ELOC: variants seen among roughly 807,000 people sequenced by gnomAD.
ELOC encodes elongin-C.
For missense variants in ELOC, 38 were observed against 139.0 expected (o/e 0.27, Z 3.65); for synonymous variants, 40 against 51.3 (o/e 0.78, Z 0.94).
chr8:73,960,589 C>T (rs1386099800), intron 1 of ELOC, among the ~76,000 whole-genome samples: 2 of 152,110 alleles, frequency 1.3e-5, no homozygotes, highest in African/African-American at 2.4e-5. Flanking sequence ...AATGAAACCC[C>T]AAGAAAATCC....
intron 1 of ELOC, among the ~76,000 whole-genome samples, chr8:73,964,193 T>C (rs1170902640): frequency 1.3e-5 from 2 of 148,402 alleles, no homozygotes; most frequent in African/African-American, 2.5e-5. Context: ...GATGGTTCTC[T>C]GTAGTTTATA....
rs372229534 is a variant in ELOC at position 73,949,529 on chromosome 8, C to T, written c.149-2709G>A. On this transcript the variant is annotated intron_variant, in intron 3 of 3. Transcript: ENST00000520242. ...ATTTTCATCATCCCAAATTAAAACCCGATAATCCATTAAGCAGTTACTCCT... is the reference window on the plus strand; with the variant it reads ...ATTTTCATCATCCCAAATTAAAACCTGATAATCCATTAAGCAGTTACTCCT... Among the ~76,000 whole-genome samples, 14 of 152,256 alleles carry T rather than the reference C, an allele frequency of 9.2e-5. No homozygotes were observed. In the East Asian group the frequency reaches 9.6e-4, roughly 10 times the overall value.
chr8:73,965,901 C>T (rs1422993756), intron 1 of ELOC, among the ~76,000 whole-genome samples: 1 of 151,950 alleles, frequency 6.6e-6, no homozygotes, highest in Non-Finnish European at 1.5e-5. Flanking sequence ...TATGAGACTA[C>T]AAATCTACAA....
intron 3 of ELOC, chr8:73,955,681 C>A: frequency 2.0e-6 from 1 of 506,492 alleles, no homozygotes; most frequent in Admixed American, 3.5e-5. Context: ...AGGAGAATTG[C>A]CTGAACCCAG....
chr8:73,945,800 C>G lies in ELOC; in HGVS notation c.*830G>C, dbSNP rs1008824069. On this transcript the variant is annotated 3_prime_UTR_variant, in exon 4 of 4. Transcript: ENST00000520242. ...TTCAAAAAGGTGTAGCTTTTAAGAT[C>G]TGAATAAAGTTAATAGTGAGTCTTT... 4 of 152,076 alleles carry G rather than the reference C, an allele frequency of 2.6e-5. No homozygotes were observed. Among genetic ancestry groups the G allele is most frequent in the Non-Finnish European group, 5.9e-5 (4 of 68,010 alleles). The allele number at this position is 152,076 out of a possible 1,614,324, so 9.4% of individuals were successfully genotyped here.
chr8:73,965,124 G>T (rs543237697), intron 1 of ELOC, among the ~76,000 whole-genome samples: 14 of 148,100 alleles, frequency 9.5e-5, no homozygotes, highest in Non-Finnish European at 1.8e-4. Flanking sequence ...TATTCACAAC[G>T]CGTATCTGAC....
intron 3 of ELOC, among the ~76,000 whole-genome samples, chr8:73,953,030 T>C (rs1019223142): frequency 6.6e-6 from 1 of 152,166 alleles, no homozygotes; most frequent in African/African-American, 2.4e-5. Context: ...ATAGGCTGGG[T>C]GTGCTGGCTC....
intron 3 of ELOC, among the ~76,000 whole-genome samples, chr8:73,952,312 G>C (rs1334901092): frequency 6.6e-6 from 1 of 151,994 alleles, no homozygotes; most frequent in Non-Finnish European, 1.5e-5. Context: ...GCTGAGACAG[G>C]AGAATCGGTT....
intron 1 of ELOC, among the ~76,000 whole-genome samples, chr8:73,970,223 G>A (rs917189474): frequency 6.6e-6 from 1 of 152,120 alleles, no homozygotes; most frequent in Non-Finnish European, 1.5e-5. Context: ...GCCTGGGAGT[G>A]CAGAACAGAG....
At chr8:73,954,380 T>A (rs1813993943) in intron 3 of ELOC, among the ~76,000 whole-genome samples, 1 of 152,158 alleles carries the variant, frequency 6.6e-6, no homozygotes, top group African/African-American at 2.4e-5. Context: ...AGATTTGCGC[T>A]GGGTGTGGTG....
At chr8:73,962,850 T>C (rs1036290597) in intron 1 of ELOC, among the ~76,000 whole-genome samples, 1 of 152,162 alleles carries the variant, frequency 6.6e-6, no homozygotes, top group African/African-American at 2.4e-5. Context: ...AAAGGGAAAA[T>C]CAACATTAAG....
chr8:73,960,042 G>A (rs185913245), intron 1 of ELOC, among the ~76,000 whole-genome samples: 6 of 152,272 alleles, frequency 3.9e-5, no homozygotes, highest in African/African-American at 1.4e-4. Context: ...ATCAGAGAAA[G>A]ATTACTTAAA....
At chr8:73,948,446 T>C (rs1371758022) in intron 3 of ELOC, among the ~76,000 whole-genome samples, 3 of 152,202 alleles carry the variant, frequency 2.0e-5, no homozygotes, top group African/African-American at 7.2e-5. Context: ...ACAGGTTTTC[T>C]GATTTGGCTT....
intron 1 of ELOC, among the ~76,000 whole-genome samples, chr8:73,961,522 T>C (rs1814595858): frequency 1.3e-5 from 2 of 152,102 alleles, no homozygotes; most frequent in African/African-American, 4.8e-5. Context: ...CTCTCTCTTT[T>C]TTTTTTTTTG....
At chr8:73,967,161 G>A (rs534503403) in intron 1 of ELOC, among the ~76,000 whole-genome samples, 8 of 152,160 alleles carry the variant, frequency 5.3e-5, no homozygotes, top group Non-Finnish European at 1.0e-4. Context: ...ATGTATCAAG[G>A]GCCTACCATG....
chr8:73,960,356 G>C (rs896383014), intron 1 of ELOC, among the ~76,000 whole-genome samples: 4 of 152,106 alleles, frequency 2.6e-5, no homozygotes, highest in Non-Finnish European at 5.9e-5. Flanking sequence ...TAAATCCTTG[G>C]AATTTCCCTA....
chr8:73,948,782 C>A lies in ELOC; in HGVS notation c.149-1962G>T, dbSNP rs936438318. 3.9e-5 allele frequency among the ~76,000 whole-genome samples: 6 copies of A among 152,092 alleles called. No homozygotes were observed. In the East Asian group the frequency reaches 1.2e-3, roughly 29 times the overall value. Reference sequence around the variant, plus strand: ...CCCGGGAGTTCAAGGCTGCAGTGCGCCATGATGGCGCCACTGTACTCCAGC... The same window carrying A: ...CCCGGGAGTTCAAGGCTGCAGTGCGACATGATGGCGCCACTGTACTCCAGC... On this transcript the variant is annotated intron_variant, in intron 3 of 3. Coordinates refer to ENST00000520242, the MANE Select transcript of ELOC (RefSeq NM_005648.4).
At chr8:73,964,570 G>T (rs1814840371) in intron 1 of ELOC, 1 of 152,056 alleles carries the variant, frequency 6.6e-6, no homozygotes, top group African/African-American at 2.4e-5. Context: ...GAGATCACTT[G>T]AGGTCAGGAA....
In ELOC at chr8:73,946,412, G is replaced by C. The variant is rs536452640; in HGVS notation, c.*218C>G. The C allele has an allele frequency of 1.8e-5, 8 of 438,206 alleles. No individual in the cohort carries two copies. The East Asian group carries it at 2.7e-4, about 15-fold the overall frequency. The allele number at this position is 438,206 out of a possible 1,614,324, so 27.1% of individuals were successfully genotyped here. A position where few individuals can be genotyped will look rare whatever the true frequency, so the allele number is the denominator to read the frequency against. On this transcript the variant is annotated 3_prime_UTR_variant, in exon 4 of 4. Coordinates refer to ENST00000520242, the MANE Select transcript of ELOC (RefSeq NM_005648.4). ...AAACCACCTACGAATTGGCATATTT[G>C]TTTATTTCTCAGTTTGTGAAAATGT...
Sources: allele counts gnomAD v4.1 joint callset (sites outside exome capture counted in the v4.1 genomes callset), GRCh38; gene constraint gnomAD v4.1.1; transcripts MANE v1.5; gene names NCBI Gene and HGNC (gene_info 2026-07-23, HGNC 2026-07-21).